The following ATP2A3 variants were observed in gnomAD, a reference collection of about 807,000 sequenced individuals.
The protein encoded by ATP2A3 is ATPase sarcoplasmic/endoplasmic reticulum Ca2+ transporting 3.
ATP2A3 carries 61 observed loss-of-function variants against 106.8 expected under a neutral mutation model. The ratio of observed to expected loss-of-function variants is 0.57; its 90% CI spans 0.46 to 0.71. ATP2A3 has a LOEUF of 0.71. Ranked by LOEUF, ATP2A3 falls within the 30% of genes least tolerant of loss-of-function variation. ATP2A3 has a pLI of 0.00. For synonymous variants in ATP2A3, 611 were observed against 609.3 expected, an observed-to-expected ratio of 1.00 and a Z score of -0.04; for missense variants, 1,201 against 1,423.5, an observed-to-expected ratio of 0.84 and a Z score of 2.52.
At chr17:3,959,174 A>G (rs2054998023) in intron 1 of ATP2A3, among the ~76,000 whole-genome samples, 1 of 152,060 alleles carries the variant, frequency 6.6e-6, no homozygotes, top group African/African-American at 2.4e-5. Context: ...CTGAGATGCC[A>G]AGGTGCTAGC....
In ATP2A3 at chr17:3,950,521, A is replaced by T. The variant is rs763005843; in HGVS notation, c.620T>A (p.Met207Lys). Residue 207 changes from methionine (M) to lysine (K), a missense_variant, in exon 7 of 21, where the codon ATG (methionine) becomes AAG (lysine). Physicochemically the swap from Met to Lys is moderately conservative, Grantham distance 95. Around this residue, in one of 2 missense-constraint regions of ATP2A3, gnomAD observed 935 missense variants for 1,176.7 expected, o/e 0.79. Coordinates refer to ENST00000397041, the MANE Select transcript of ATP2A3 (RefSeq NM_005173.4). ...PRAVNQDKKN[M>K]LFSGTNITSG... Reference sequence around the variant, plus strand: ...AGACATTTGACTTACAGAAAACAGCATGTTCTTCTTGTCCTGGTTCACAGC... The same window carrying T: ...AGACATTTGACTTACAGAAAACAGCTTGTTCTTCTTGTCCTGGTTCACAGC... 3.1e-6 allele frequency: 5 copies of T among 1,614,102 alleles called. No homozygotes were observed. Among genetic ancestry groups the T allele is most frequent in the Non-Finnish European group, 4.2e-6 (5 of 1,179,978 alleles).
intron 17 of ATP2A3, among the ~76,000 whole-genome samples, chr17:3,931,096 C>G (rs986028194): frequency 6.6e-6 from 1 of 151,180 alleles, no homozygotes. Flanking sequence ...GCAGAGATCG[C>G]GTCACTGCAC....
chr17:3,932,637 G>A (rs1239671871), intron 17 of ATP2A3, among the ~76,000 whole-genome samples: 9 of 152,146 alleles, frequency 5.9e-5, no homozygotes, highest in African/African-American at 9.7e-5. Context: ...ACGGGGTTTC[G>A]CCATGTTGTC....
intron 14 of ATP2A3, 29 bp downstream of exon 14, chr17:3,940,942 C>A (rs753318859): frequency 9.3e-6 from 15 of 1,613,026 alleles, no homozygotes; most frequent in East Asian, 4.5e-5. Flanking sequence ...CTCATCACCC[C>A]CTCCTGGGGC....
At position 3,941,073 on chromosome 17, in the gene ATP2A3, C is replaced by T. The variant is rs1305007398; in HGVS notation, c.1998G>A (p.Gln666=). 1 of 1,613,488 alleles carries T rather than the reference C, an allele frequency of 6.2e-7. No individual in the cohort carries two copies. The highest frequency in any genetic ancestry group is 2.2e-5 in the East Asian group (1 of 44,876). Residue 666 remains glutamine, a synonymous_variant, in exon 14 of 21, where the codon CAG becomes CAA. Coordinates refer to ENST00000397041, the MANE Select transcript of ATP2A3 (RefSeq NM_005173.4). The stretch of plus-strand genomic sequence containing the variant: ...AGCGGGCGGTGCGGCAGGCCTGGCG[C>T]TGCTGCTCGGGGCTGAGGTCATCAA... ...REFDDLSPEQ[Q]RQACRTARCF... is the part of the protein sequence containing the mutation.
At chr17:3,960,364 AC>A (rs1244146336) in intron 1 of ATP2A3, among the ~76,000 whole-genome samples, 6 of 152,164 alleles carry the variant, frequency 3.9e-5, no homozygotes, top group African/African-American at 1.4e-4. Context: ...AATCTGGACC[AC>A]TCATCCCACC....
At chr17:3,942,855 G>A in intron 11 of ATP2A3, 124 bp from the exon 12 acceptor site, 3 of 1,429,464 alleles carry the variant, frequency 2.1e-6, no homozygotes, top group Non-Finnish European at 2.9e-6. Context: ...ACACTCCTCT[G>A]ACCCCACCAT....
Position 3,929,677 on chromosome 17 carries a change from G to T in ATP2A3, c.2745-232C>A, listed in dbSNP as rs912304128. Among the ~76,000 whole-genome samples the T allele has an allele frequency of 6.6e-6, 1 of 152,034 alleles. No individual in the cohort carries two copies. Among genetic ancestry groups the T allele is most frequent in the Non-Finnish European group, 1.5e-5 (1 of 67,998 alleles). Reference sequence around the variant, plus strand: ...TCTTTGTCTCCTGGGCCCCAATTCCGGTCCCCATGAACTCTCAGAATCCTC... The same window carrying T: ...TCTTTGTCTCCTGGGCCCCAATTCCTGTCCCCATGAACTCTCAGAATCCTC... On this transcript the variant is annotated intron_variant, in intron 18 of 20. Coordinates refer to ENST00000397041, the MANE Select transcript of ATP2A3 (RefSeq NM_005173.4). This position sits in a 1 kb window ranked among gnomAD's most constrained non-coding sequence, Gnocchi z 4.3.
intron 20 of ATP2A3, chr17:3,927,676 T>C: frequency 2.7e-6 from 2 of 731,956 alleles, no homozygotes; most frequent in Non-Finnish European, 3.3e-6. Flanking sequence ...CCCCACCCAT[T>C]GGCCCCAGCA....
intron 17 of ATP2A3, among the ~76,000 whole-genome samples, chr17:3,933,084 C>G (rs913136298): frequency 6.6e-6 from 1 of 151,462 alleles, no homozygotes; most frequent in East Asian, 2.0e-4. Context: ...GAGTTCGAGA[C>G]CAGCCTGGCC....
At position 3,926,731 on chromosome 17, in the gene ATP2A3, A is replaced by G; in HGVS notation, c.2981-1290T>C. On this transcript the variant is annotated intron_variant, in intron 20 of 20. Coordinates refer to ENST00000397041, the MANE Select transcript of ATP2A3 (RefSeq NM_005173.4). The surrounding 1 kb of genome is among the most constrained non-coding windows in gnomAD (Gnocchi z 4.6). Reference sequence around the variant, plus strand: ...ATTATAGGCACCTGCCACCACGCCCAGCTAATTTTTGTATCTTTAGTAGAG... The same window carrying G: ...ATTATAGGCACCTGCCACCACGCCCGGCTAATTTTTGTATCTTTAGTAGAG... 2.3e-6 allele frequency: 1 copy of G among 439,470 alleles called. No individual in the cohort carries two copies. The highest frequency in any genetic ancestry group is 3.0e-6 in the Non-Finnish European group (1 of 331,122). 27.2% of individuals were successfully genotyped at this position (439,470 alleles called of 1,614,324 possible).
In ATP2A3 at chr17:3,941,088, G is replaced by A. The variant is rs147178418; in HGVS notation, c.1983C>T (p.Leu661=). The A allele has an allele frequency of 4.0e-5, 65 of 1,613,782 alleles. No individual in the cohort carries two copies. Among genetic ancestry groups the A allele is most frequent in the Non-Finnish European group, 5.5e-5 (65 of 1,179,918 alleles). The change falls in exon 14 of 21, where the codon CTC becomes CTT. Residue 661 remains leucine, a synonymous_variant. Transcript: ENST00000397041. ...KAYTGREFDD[L]SPEQQRQACR... The stretch of plus-strand genomic sequence containing the variant: ...AGGCCTGGCGCTGCTGCTCGGGGCT[G>A]AGGTCATCAAACTCGCGGCCCGTGT...
At chr17:3,951,552 C>CCCCCCCCCCT in intron 4 of ATP2A3, 29 bp downstream of exon 4, 1 of 1,365,898 alleles carries the variant, frequency 7.3e-7, no homozygotes, top group Non-Finnish European at 1.0e-6. Flanking sequence ...GACCGCCCCC[C>CCCCCCCCCCT]GCCCGGTCCC....
In ATP2A3 at chr17:3,955,217, G is replaced by A. The variant is rs1411382181; in HGVS notation, c.119-1507C>T. ...GGCTCTCTTCCACCTCCTTCTTCCT[G>A]ACACTGGAAACAGGTCCTTGCATTG... On this transcript the variant is annotated intron_variant, in intron 1 of 20. Transcript: ENST00000397041. The surrounding 1 kb of genome is among the most constrained non-coding windows in gnomAD (Gnocchi z 4.2). Among the ~76,000 whole-genome samples, 1 of 152,192 alleles carries A rather than the reference G, an allele frequency of 6.6e-6. No homozygotes were observed. Among genetic ancestry groups the A allele is most frequent in the African/African-American group, 2.4e-5 (1 of 41,444 alleles).
chr17:3,946,074 C>T (rs1385927095), intron 8 of ATP2A3, among the ~76,000 whole-genome samples: 1 of 151,312 alleles, frequency 6.6e-6, no homozygotes, highest in African/African-American at 2.4e-5. Flanking sequence ...ATGGTGAAAC[C>T]CCATCTCTAC....
rs1800915 is a variant in ATP2A3 at position 3,953,321 on chromosome 17, A to G, written c.219+26T>C. 887,760 of 1,611,168 alleles carry G rather than the reference A, an allele frequency of 0.55. 248,194 individuals carry two copies. Among genetic ancestry groups the G allele is most frequent in the African/African-American group, 0.7 (52,337 of 74,920 alleles). ...TCCCTCCAGGGCTACCGACTACCACAGGATGGCTGGCAGGGCCCTACTTAC... is the reference window on the plus strand; with the variant it reads ...TCCCTCCAGGGCTACCGACTACCACGGGATGGCTGGCAGGGCCCTACTTAC... On this transcript the variant is annotated intron_variant, in intron 3 of 20. Transcript: ENST00000397041. This position sits in a 1 kb window ranked among gnomAD's most constrained non-coding sequence, Gnocchi z 5.1.
Position 3,924,626 on chromosome 17 carries a change from G to A in ATP2A3, c.*796C>T, listed in dbSNP as rs1348833562. ...CCTCTGCGTGGCAGACCGGGCGGCAGTGTGACTCTGAACATCTCCCGAGCT... is the reference window on the plus strand; with the variant it reads ...CCTCTGCGTGGCAGACCGGGCGGCAATGTGACTCTGAACATCTCCCGAGCT... On this transcript the variant is annotated 3_prime_UTR_variant, in exon 21 of 21. Coordinates refer to ENST00000397041, the MANE Select transcript of ATP2A3 (RefSeq NM_005173.4). The surrounding 1 kb of genome is among the most constrained non-coding windows in gnomAD (Gnocchi z 6.4). 2.4e-5 allele frequency: 9 copies of A among 369,006 alleles called. No homozygotes were observed. The East Asian group carries it at 6.7e-4, about 28-fold the overall frequency. The allele number at this position is 369,006 out of a possible 1,614,324, so 22.9% of individuals were successfully genotyped here. A position where few individuals can be genotyped will look rare whatever the true frequency, so the allele number is the denominator to read the frequency against.
In ATP2A3 at chr17:3,953,518, A is replaced by T; in HGVS notation, c.137-89T>A. On this transcript the variant is annotated intron_variant, in intron 2 of 20. Coordinates refer to ENST00000397041, the MANE Select transcript of ATP2A3 (RefSeq NM_005173.4). This position sits in a 1 kb window ranked among gnomAD's most constrained non-coding sequence, Gnocchi z 5.1. ...GATGGCCCGGGAGACCTCCCGGCCC[A>T]TTCCCTCCCTGCACTCAGAAGAGGG... The T allele has an allele frequency of 6.5e-7, 1 of 1,528,204 alleles. No individual in the cohort carries two copies. The highest frequency in any genetic ancestry group is 9.0e-7 in the Non-Finnish European group (1 of 1,106,784). The allele number at this position is 1,528,204 out of a possible 1,614,324, so 94.7% of individuals were successfully genotyped here.
intron 1 of ATP2A3, among the ~76,000 whole-genome samples, chr17:3,962,167 C>A (rs2055176685): frequency 6.6e-6 from 1 of 152,190 alleles, no homozygotes; most frequent in African/African-American, 2.4e-5. Context: ...GACGCCCACA[C>A]CAGGGTTCTG....
Sources: allele counts gnomAD v4.1 joint callset (sites outside exome capture counted in the v4.1 genomes callset), GRCh38; gene constraint gnomAD v4.1.1; regional missense constraint gnomAD v4.1.1; non-coding constraint Gnocchi (gnomAD v3.1); transcripts MANE v1.5; gene names NCBI Gene and HGNC (gene_info 2026-07-23, HGNC 2026-07-21).